The following DEFB118 variants were observed in gnomAD, a reference collection of about 807,000 sequenced individuals.
The protein encoded by DEFB118 is defensin, beta 18.
In DEFB118, 3 loss-of-function variants were observed where a neutral mutation model predicts 2.8. The observed-to-expected ratio is 1.09, with a 90% CI of 0.50 to 2.82. The LOEUF (loss-of-function observed/expected upper bound fraction) is 2.82. DEFB118 is among the 30% of genes most tolerant of loss of function. The probability of loss-of-function intolerance (pLI) is 0.04; values close to 1 mark genes in which losing one functional copy is unlikely to be tolerated. For missense variants in DEFB118, 159 were observed against 144.6 expected, an observed-to-expected ratio of 1.10 and a Z score of -0.51; for synonymous variants, 63 against 53.5, an observed-to-expected ratio of 1.18 and a Z score of -0.78.
intron 1 of DEFB118, 68 bp from the exon 2 acceptor site, chr20:31,372,789 A>G: frequency 8.1e-7 from 1 of 1,236,484 alleles, no homozygotes; most frequent in Admixed American, 2.0e-5. Flanking sequence ...TGCGAGATAT[A>G]CAGTCATGCT....
Position 31,371,781 on chromosome 20 carries a change from C to T in DEFB118, c.59-1076C>T, listed in dbSNP as rs1986214438. Among the ~76,000 whole-genome samples, 2 of 151,894 alleles carry T rather than the reference C, an allele frequency of 1.3e-5. 1 individual carries two copies. Among genetic ancestry groups the T allele is most frequent in the South Asian group, 4.2e-4 (2 of 4,814 alleles). Reference sequence around the variant, plus strand: ...GGTGAAGTCTAAGATTTTAGTGCACCCATCACTGGAGTAGTGTACATTATA... The same window carrying T: ...GGTGAAGTCTAAGATTTTAGTGCACTCATCACTGGAGTAGTGTACATTATA... On this transcript the variant is annotated intron_variant, in intron 1 of 1. Coordinates refer to ENST00000253381, the MANE Select transcript of DEFB118 (RefSeq NM_054112.3).
chr20:31,372,076 T>C (rs1350302965), intron 1 of DEFB118, among the ~76,000 whole-genome samples: 1 of 152,236 alleles, frequency 6.6e-6, no homozygotes, highest in African/African-American at 2.4e-5. Flanking sequence ...CACATTTTCT[T>C]TATTCACTCA....
chr20:31,371,283 C>G (rs1986205315), intron 1 of DEFB118, among the ~76,000 whole-genome samples: 1 of 152,018 alleles, frequency 6.6e-6, no homozygotes, highest in Admixed American at 6.6e-5. Context: ...CTCGCCCTCT[C>G]TCTTCCTTCT....
At chr20:31,369,520 G>A (rs1482441634) in intron 1 of DEFB118, among the ~76,000 whole-genome samples, 2 of 151,208 alleles carry the variant, frequency 1.3e-5, no homozygotes, top group Non-Finnish European at 2.9e-5. Flanking sequence ...CTCCCAAGCA[G>A]CTGGGATTAC....
At chr20:31,369,144 A>G (rs1477241047) in intron 1 of DEFB118, among the ~76,000 whole-genome samples, 1 of 152,226 alleles carries the variant, frequency 6.6e-6, no homozygotes, top group African/African-American at 2.4e-5. Context: ...CGGAAGACAG[A>G]ACTGGCTTTT....
Position 31,373,125 on chromosome 20 carries a change from A to G in DEFB118, c.327A>G (p.Gly109=). The change falls in exon 2 of 2, where the codon GGA becomes GGG. Residue 109 remains glycine (G), a synonymous_variant. Transcript: ENST00000253381. ...KKDMVEESEA[G]RGTETSLPNV... ...ATATGGTTGAAGAGTCTGAGGCGGG[A>G]AGGGGAACTGAGACCTCTCTTCCAA... The G allele has an allele frequency of 6.2e-7, 1 of 1,614,072 alleles. No homozygotes were observed. Among genetic ancestry groups the G allele is most frequent in the East Asian group, 2.2e-5 (1 of 44,880 alleles).
At position 31,372,914 on chromosome 20, in the gene DEFB118, A is replaced by T. The variant is rs1986236914; in HGVS notation, c.116A>T (p.Lys39Ile). The change falls in exon 2 of 2, where the codon AAA becomes ATA. Residue 39 changes from lysine to isoleucine, a missense_variant. Transcript: ENST00000253381. ...TCAGGGCACTGCAGGAAACAATGCA[A>T]AGATGGAGAAGCAGTGAAAGATACA... ...NRSGHCRKQC[K>I]DGEAVKDTCK... is the part of the protein sequence containing the mutation. 6.2e-7 allele frequency: 1 copy of T among 1,614,218 alleles called. No individual in the cohort carries two copies. Among genetic ancestry groups the T allele is most frequent in the Non-Finnish European group, 8.5e-7 (1 of 1,180,032 alleles).
intron 1 of DEFB118, among the ~76,000 whole-genome samples, chr20:31,369,697 G>T (rs1180084519): frequency 6.6e-6 from 1 of 152,016 alleles, no homozygotes; most frequent in Non-Finnish European, 1.5e-5. Flanking sequence ...GCCCTATGCA[G>T]CACTCTTCTT....
chr20:31,372,958 T>G lies in DEFB118; in HGVS notation c.160T>G (p.Cys54Gly). 6.2e-7 allele frequency: 1 copy of G among 1,614,204 alleles called. No individual in the cohort carries two copies. The highest frequency in any genetic ancestry group is 1.6e-4 in the Middle Eastern group (1 of 6,062). ...VKDTCKNLRA[C>G]CIPSNEDHRR... ...AGATACATGCAAAAATCTTCGAGCTTGCTGCATTCCATCCAATGAAGACCA... is the reference window on the plus strand; with the variant it reads ...AGATACATGCAAAAATCTTCGAGCTGGCTGCATTCCATCCAATGAAGACCA... Residue 54 changes from cysteine (C) to glycine (G), a missense_variant, in exon 2 of 2, where the codon TGC becomes GGC. Coordinates refer to ENST00000253381, the MANE Select transcript of DEFB118 (RefSeq NM_054112.3).
chr20:31,373,262 A>AC lies in DEFB118; in HGVS notation c.*98dup. The stretch of plus-strand genomic sequence containing the variant: ...CTGAAAACACCACAGTGACCCTCCC[A>AC]CCCCCCACCAATATGTAATTCTATT... On this transcript the variant is annotated 3_prime_UTR_variant, in exon 2 of 2. Transcript: ENST00000253381. The AC allele has an allele frequency of 1.8e-6, 2 of 1,101,178 alleles. No homozygotes were observed. Among genetic ancestry groups the AC allele is most frequent in the Non-Finnish European group, 1.3e-6 (1 of 777,694 alleles). The allele number at this position is 1,101,178 out of a possible 1,614,324, so 68.2% of individuals were successfully genotyped here. A position where few individuals can be genotyped will look rare whatever the true frequency, so the allele number is the denominator to read the frequency against.
At chr20:31,371,278 CCT>C (rs1189943642) in intron 1 of DEFB118, among the ~76,000 whole-genome samples, 2 of 151,894 alleles carry the variant, frequency 1.3e-5, no homozygotes, top group African/African-American at 4.8e-5. Context: ...CGTAGCTCGC[CCT>C]CTCTCTTCCT....
At position 31,372,837 on chromosome 20, in the gene DEFB118, T is replaced by C. The variant is rs1467499001; in HGVS notation, c.59-20T>C. On this transcript the variant is annotated intron_variant, in intron 1 of 1. Coordinates refer to ENST00000253381, the MANE Select transcript of DEFB118 (RefSeq NM_054112.3). ...AGCATCAGTAACCCAAAATCAATGG[T>C]CTTTCCTTTTATTATTCAGCCTATA... 7 of 1,602,272 alleles carry C rather than the reference T, an allele frequency of 4.4e-6. No individual in the cohort carries two copies. The highest frequency in any genetic ancestry group is 4.5e-5 in the East Asian group (2 of 44,470).
rs1369575119 is a variant in DEFB118 at position 31,373,923 on chromosome 20, A to T, written c.*753A>T. Reference sequence around the variant, plus strand: ...AGCAAAAAAAAAAAAAAAAAAAAAAATCTTCACATCCTATCCCATCCACAT... The same window carrying T: ...AGCAAAAAAAAAAAAAAAAAAAAAATTCTTCACATCCTATCCCATCCACAT... On this transcript the variant is annotated 3_prime_UTR_variant, in exon 2 of 2. Coordinates refer to ENST00000253381, the MANE Select transcript of DEFB118 (RefSeq NM_054112.3). The T allele has an allele frequency of 6.7e-6, 1 of 149,898 alleles. No homozygotes were observed. Among genetic ancestry groups the T allele is most frequent in the South Asian group, 2.1e-4 (1 of 4,786 alleles). The allele number at this position is 149,898 out of a possible 1,614,324, so 9.3% of individuals were successfully genotyped here.
rs900934386 is a variant in DEFB118, at chr20:31,371,475, CT to C, written c.59-1374del. On this transcript the variant is annotated intron_variant, in intron 1 of 1. Transcript: ENST00000253381. ...CTTATTATCTACTTTTTTTCTTTTT[CT>C]TTTTTTTCTTTTTTGAGACAGTCTC... Among the ~76,000 whole-genome samples the C allele has an allele frequency of 6.0e-5, 9 of 150,962 alleles. 1 individual carries two copies. Among genetic ancestry groups the C allele is most frequent in the Admixed American group, 4.6e-4 (7 of 15,164 alleles).
At chr20:31,372,131 G>A (rs181169130) in intron 1 of DEFB118, among the ~76,000 whole-genome samples, 22 of 152,202 alleles carry the variant, frequency 1.4e-4, no homozygotes, top group Admixed American at 9.8e-4. Flanking sequence ...TTGCAGTTGC[G>A]AATTGTGCTG....
At chr20:31,373,923 AT>A (rs1186006497), downstream of DEFB118, 3 of 149,892 alleles carry the variant, frequency 2.0e-5, no homozygotes, top group South Asian at 2.1e-4. Flanking sequence ...AAAAAAAAAA[AT>A]CTTCACATCC....
At chr20:31,370,650 C>A (rs1222394813) in intron 1 of DEFB118, among the ~76,000 whole-genome samples, 1 of 152,216 alleles carries the variant, frequency 6.6e-6, no homozygotes, top group Non-Finnish European at 1.5e-5. Context: ...TATCTCCCTA[C>A]CCTCTCACCG....
Position 31,373,528 on chromosome 20 carries a change from G to A in DEFB118, c.*358G>A. 1 of 212,492 alleles carries A rather than the reference G, an allele frequency of 4.7e-6. No homozygotes were observed. Among genetic ancestry groups the A allele is most frequent in the Non-Finnish European group, 9.5e-6 (1 of 105,432 alleles). The allele number at this position is 212,492 out of a possible 1,614,324, so 13.2% of individuals were successfully genotyped here. On this transcript the variant is annotated 3_prime_UTR_variant, in exon 2 of 2. Transcript: ENST00000253381. ...TCTTCATGGCAGCATAAGTGGTCAT[G>A]ATCAAAATTCTAAATCTTTGCATCT...
chr20:31,372,763 C>A, intron 1 of DEFB118, 94 bp from the exon 2 acceptor site: 1 of 947,090 alleles, frequency 1.1e-6, no homozygotes, highest in Non-Finnish European at 1.6e-6. Flanking sequence ...TTATGATCCA[C>A]AGTGTGGATA....
Sources: gnomAD v4.1 joint callset for allele counts (sites outside exome capture counted in the v4.1 genomes callset) on GRCh38, gnomAD v4.1.1 for gene constraint, MANE v1.5 for transcripts, NCBI Gene and HGNC (gene_info 2026-07-23, HGNC 2026-07-21) for gene names.